The following TLE4 variants were observed in gnomAD, a reference collection of about 807,000 sequenced individuals.
The protein encoded by TLE4 is TLE family member 4, transcriptional corepressor.
TLE4 carries 8 observed loss-of-function variants against 92.8 expected under a neutral mutation model. That is an observed-to-expected ratio of 0.09 (90% CI 0.05 to 0.16). The LOEUF is 0.16. Ranked by LOEUF, TLE4 falls within the 10% of genes least tolerant of loss-of-function variation. TLE4 has a pLI of 1.00. For synonymous variants in TLE4, 371 were observed against 374.1 expected, an observed-to-expected ratio of 0.99 and a Z score of 0.10; for missense variants, 675 against 997.6, an observed-to-expected ratio of 0.68 and a Z score of 4.36.
At chr9:79,589,637 T>G (rs140219136) in intron 4 of TLE4, among the ~76,000 whole-genome samples, 1 of 152,292 alleles carries the variant, frequency 6.6e-6, no homozygotes, top group African/African-American at 2.4e-5. Context: ...TCACTAGAAT[T>G]AGTCTTACTC....
intron 8 of TLE4, among the ~76,000 whole-genome samples, chr9:79,661,625 A>G (rs2060541681): frequency 1.3e-5 from 2 of 152,256 alleles, no homozygotes; most frequent in South Asian, 4.1e-4. Flanking sequence ...TTAAATGAAG[A>G]TAATACAGTT....
At chr9:79,673,990 CT>C (rs2062841039) in intron 8 of TLE4, among the ~76,000 whole-genome samples, 1 of 152,118 alleles carries the variant, frequency 6.6e-6, no homozygotes, top group East Asian at 1.9e-4. Context: ...CAGGGATCTT[CT>C]TCCTCCTAAT....
chr9:79,581,420 T>C (rs909671860), intron 4 of TLE4, among the ~76,000 whole-genome samples: 2 of 152,222 alleles, frequency 1.3e-5, no homozygotes, highest in African/African-American at 4.8e-5. Flanking sequence ...CCCTTTTTCC[T>C]TCTCCCATGA....
intron 8 of TLE4, among the ~76,000 whole-genome samples, chr9:79,696,659 AAAAAT>A (rs1316666339): frequency 2.0e-5 from 3 of 152,216 alleles, no homozygotes; most frequent in African/African-American, 7.2e-5. Context: ...ACTGGAAAAA[AAAAAT>A]AGCAACATGA....
chr9:79,619,139 A>G (rs760579187), intron 5 of TLE4, among the ~76,000 whole-genome samples: 3 of 152,232 alleles, frequency 2.0e-5, no homozygotes, highest in Non-Finnish European at 2.9e-5. Flanking sequence ...AGTCAATTAC[A>G]TAATAGTGAT....
At chr9:79,685,601 A>T (rs1368262230) in intron 8 of TLE4, among the ~76,000 whole-genome samples, 1 of 152,172 alleles carries the variant, frequency 6.6e-6, no homozygotes, top group Admixed American at 6.5e-5. Flanking sequence ...CTCTAGGGGG[A>T]TTATTCAAGC....
chr9:79,703,189 C>T (rs746702420), intron 8 of TLE4, among the ~76,000 whole-genome samples: 2 of 152,108 alleles, frequency 1.3e-5, no homozygotes, highest in African/African-American at 2.4e-5. Context: ...ATTGTTCTTC[C>T]TATAACTTTT....
chr9:79,705,963 A>G, intron 10 of TLE4, 21 bp downstream of exon 10: 1 of 1,611,826 alleles, frequency 6.2e-7, no homozygotes, highest in Non-Finnish European at 8.5e-7. Flanking sequence ...GGCTACTTTA[A>G]TTTTTTGCAC....
At chr9:79,704,707 T>C (rs1486925610) in intron 8 of TLE4, 76 bp from the exon 9 acceptor site, 3 of 1,550,752 alleles carry the variant, frequency 1.9e-6, no homozygotes, top group Middle Eastern at 3.5e-4. Context: ...GAAAAGAAAG[T>C]CTCAAGTGAC....
intron 8 of TLE4, among the ~76,000 whole-genome samples, chr9:79,676,347 G>A (rs1210824415): frequency 1.3e-5 from 2 of 152,086 alleles, no homozygotes; most frequent in Non-Finnish European, 1.5e-5. Flanking sequence ...CCTTTATGAA[G>A]CCATGGGCCC....
At chr9:79,711,330 G>GC (rs2073230100) in intron 14 of TLE4, among the ~76,000 whole-genome samples, 1 of 29,416 alleles carries the variant, frequency 3.4e-5, no homozygotes, top group Admixed American at 3.7e-4. Context: ...GCAAATAGTT[G>GC]TTGACTAACA....
chr9:79,572,876 G>T, intron 1 of TLE4, 41 bp downstream of exon 1: 1 of 1,576,366 alleles, frequency 6.3e-7, no homozygotes. Flanking sequence ...CGGGTGCTGG[G>T]GGATTCCCCG....
chr9:79,654,394 G>T (rs2059471086), intron 8 of TLE4, among the ~76,000 whole-genome samples: 1 of 151,906 alleles, frequency 6.6e-6, no homozygotes, highest in East Asian at 1.9e-4. Context: ...AGATAACAAT[G>T]AAATGAATTA....
chr9:79,647,974 G>C (rs1474168832), intron 6 of TLE4, among the ~76,000 whole-genome samples: 1 of 151,690 alleles, frequency 6.6e-6, no homozygotes, highest in East Asian at 1.9e-4. Context: ...AGATGAGAGA[G>C]TACTCTGTGG....
At chr9:79,621,338 A>G (rs746928763) in intron 5 of TLE4, among the ~76,000 whole-genome samples, 11 of 152,194 alleles carry the variant, frequency 7.2e-5, no homozygotes, top group African/African-American at 1.2e-4. Context: ...CCCATGACAC[A>G]GAGAAATTGT....
rs7042015 is a variant in TLE4 at position 79,614,958 on chromosome 9, G to A, written c.315+2240G>A. Among the ~76,000 whole-genome samples, 1,184 of 152,230 alleles carry A rather than the reference G, an allele frequency of 7.8e-3. 19 individuals carry two copies. The highest frequency in any genetic ancestry group is 0.028 in the African/African-American group (1,145 of 41,550). On this transcript the variant is annotated intron_variant, in intron 5 of 19. Transcript: ENST00000376552. ...ATGGTTTTCTAAATGCTAGTTCTGTGTATATATTTTCTTTTGCTTACTTTA... is the reference window on the plus strand; with the variant it reads ...ATGGTTTTCTAAATGCTAGTTCTGTATATATATTTTCTTTTGCTTACTTTA...
chr9:79,686,756 A>C (rs921990484), intron 8 of TLE4, among the ~76,000 whole-genome samples: 4 of 152,226 alleles, frequency 2.6e-5, no homozygotes, highest in African/African-American at 9.6e-5. Flanking sequence ...TGCAGACTCC[A>C]GAACCGCAAG....
intron 8 of TLE4, among the ~76,000 whole-genome samples, chr9:79,662,319 G>A (rs983062011): frequency 6.6e-6 from 1 of 152,126 alleles, no homozygotes; most frequent in Non-Finnish European, 1.5e-5. Flanking sequence ...GAATAGAAGA[G>A]GGCTGGGAGA....
chr9:79,723,146 T>C (rs2075898728), intron 19 of TLE4, 111 bp downstream of exon 19: 2 of 1,003,652 alleles, frequency 2.0e-6, no homozygotes, highest in Non-Finnish European at 3.0e-6. Flanking sequence ...GCTAGTATTA[T>C]GCACATTGTA....
Sources: allele counts gnomAD v4.1 joint callset (sites outside exome capture counted in the v4.1 genomes callset), GRCh38; gene constraint gnomAD v4.1.1; transcripts MANE v1.5; gene names NCBI Gene and HGNC (gene_info 2026-07-23, HGNC 2026-07-21).